The following ALAS1 variants were observed in gnomAD, a reference collection of about 807,000 sequenced individuals.
ALAS1 encodes 5'-aminolevulinate synthase 1, also known as 5-aminolevulinate synthase, non-specific, mitochondrial.
ALAS1 carries 29 observed loss-of-function variants against 59.6 expected under a neutral mutation model. The observed-to-expected ratio is 0.49, with a 90% CI of 0.36 to 0.66. The LOEUF is 0.66. ALAS1 is among the 30% of genes least tolerant of loss of function. ALAS1 has a pLI of 0.00. For synonymous variants in ALAS1, 299 were observed against 296.6 expected, an observed-to-expected ratio of 1.01 and a Z score of -0.08; for missense variants, 690 against 807.5, an observed-to-expected ratio of 0.85 and a Z score of 1.76.
chr3:52,209,092 T>TCA (rs1490143931), intron 9 of ALAS1, among the ~76,000 whole-genome samples: 1 of 152,242 alleles, frequency 6.6e-6, no homozygotes, highest in Non-Finnish European at 1.5e-5. Context: ...CCTTCAGCAC[T>TCA]GTCAAGGGGT....
intron 1 of ALAS1, 74 bp downstream of exon 1, chr3:52,198,329 C>T: frequency 2.5e-6 from 1 of 406,290 alleles, no homozygotes; most frequent in Non-Finnish European, 4.3e-6. Context: ...GGCACCGCTG[C>T]CCCGGGTGCT....
rs1699292668 is a variant in ALAS1 at position 52,206,444 on chromosome 3, G to A, written c.986-128G>A. On this transcript the variant is annotated intron_variant, in intron 7 of 11. Coordinates refer to ENST00000484952, the MANE Select transcript of ALAS1 (RefSeq NM_000688.6). The stretch of plus-strand genomic sequence containing the variant: ...TAGTTATTTTGCCAGGAAGAAACTG[G>A]CACACAGTGTCTTTTTCCTACTAGG... 7.5e-6 allele frequency: 8 copies of A among 1,066,878 alleles called. No homozygotes were observed. The South Asian group carries it at 1.2e-4, about 16-fold the overall frequency. The allele number at this position is 1,066,878 out of a possible 1,614,324, so 66.1% of individuals were successfully genotyped here.
At position 52,208,084 on chromosome 3, in the gene ALAS1, G is replaced by A; in HGVS notation, c.1167G>A (p.Gly389=). ...VAFETVHSMD[G]AVCPLEELCD... ...GAGCAGTCTCTGGTCTTTCCTCAGG[G>A]GCGGTGTGCCCACTGGAAGAGCTGT... The change falls in exon 9 of 12, where the codon GGG becomes GGA. Residue 389 remains glycine, a splice_region_variant and synonymous_variant. Coordinates refer to ENST00000484952, the MANE Select transcript of ALAS1 (RefSeq NM_000688.6). The A allele has an allele frequency of 6.4e-7, 1 of 1,562,066 alleles. No individual in the cohort carries two copies. Among genetic ancestry groups the A allele is most frequent in the Non-Finnish European group, 8.6e-7 (1 of 1,156,830 alleles).
intron 3 of ALAS1, among the ~76,000 whole-genome samples, chr3:52,201,764 A>G (rs2107264344): frequency 6.6e-6 from 1 of 152,270 alleles, no homozygotes; most frequent in East Asian, 1.9e-4. Flanking sequence ...TCAAAAAAAA[A>G]GGAAAGGAAA....
intron 11 of ALAS1, 180 bp downstream of exon 11, chr3:52,212,600 C>G: frequency 1.4e-6 from 1 of 698,848 alleles, no homozygotes; most frequent in South Asian, 1.8e-5. Flanking sequence ...GGCACAATCT[C>G]GGCTCACCGC....
chr3:52,211,613 G>A (rs1011635843), intron 10 of ALAS1, 62 bp downstream of exon 10: 123 of 1,587,120 alleles, frequency 7.7e-5, no homozygotes, highest in Non-Finnish European at 2.8e-5. Flanking sequence ...ATGTACGGAT[G>A]TTCTGCTTCA....
chr3:52,212,126 T>C, intron 10 of ALAS1, 132 bp from the exon 11 acceptor site: 1 of 793,846 alleles, frequency 1.3e-6, no homozygotes, highest in Non-Finnish European at 2.0e-6. Flanking sequence ...GCTTTCCCTC[T>C]GCCCCAAGCT....
At chr3:52,202,452 C>G in intron 3 of ALAS1, 55 bp from the exon 4 acceptor site, 1 of 1,403,426 alleles carries the variant, frequency 7.1e-7, no homozygotes, top group Non-Finnish European at 1.0e-6. Flanking sequence ...AAGTGGTTTT[C>G]TTACATACTG....
At position 52,208,187 on chromosome 3, in the gene ALAS1, G is replaced by T; in HGVS notation, c.1270G>T (p.Gly424Ter). 1.9e-6 allele frequency: 3 copies of T among 1,614,164 alleles called. No homozygotes were observed. The highest frequency in any genetic ancestry group is 2.5e-6 in the Non-Finnish European group (3 of 1,180,006). ...AGTGGGGCTTTATGGGGCTCGAGGC[G>T]GAGGGATTGGGGATCGGGATGGAGT... is the stretch of plus-strand genomic sequence containing the variant. ...HAVGLYGARG[G>*]GIGDRDGVMP... Residue 424 changes from glycine (G) to a stop codon, truncating the protein, a stop_gained, in exon 9 of 12, where the codon GGA becomes TGA. Transcript: ENST00000484952. LOFTEE classifies it high-confidence loss of function.
Position 52,214,094 on chromosome 3 carries a change from A to G in ALAS1, c.1837A>G (p.Arg613Gly). Residue 613 changes from arginine (R) to glycine (G), a missense_variant, in exon 12 of 12, where the codon AGG becomes GGG. By Grantham distance (125) the Arg-to-Gly change is moderately radical. Coordinates refer to ENST00000484952, the MANE Select transcript of ALAS1 (RefSeq NM_000688.6). ...PHSSAECNFCRRPLHFEVMSE... is the reference protein window; with the variant it reads ...PHSSAECNFCGRPLHFEVMSE... Reference sequence around the variant, plus strand: ...TTCCTCAGCTGAGTGCAACTTCTGCAGGAGGCCACTGCATTTTGAAGTGAT... The same window carrying G: ...TTCCTCAGCTGAGTGCAACTTCTGCGGGAGGCCACTGCATTTTGAAGTGAT... The G allele has an allele frequency of 6.2e-7, 1 of 1,614,030 alleles. No homozygotes were observed. The highest frequency in any genetic ancestry group is 8.5e-7 in the Non-Finnish European group (1 of 1,179,874).
intron 9 of ALAS1, among the ~76,000 whole-genome samples, chr3:52,209,234 G>A (rs944173639): frequency 1.3e-5 from 2 of 151,976 alleles, no homozygotes; most frequent in South Asian, 4.1e-4. Flanking sequence ...CCGAGATGGA[G>A]TGTCACTCTG....
intron 11 of ALAS1, among the ~76,000 whole-genome samples, chr3:52,213,096 C>T (rs920673996): frequency 2.6e-5 from 4 of 152,192 alleles, no homozygotes; most frequent in Admixed American, 1.3e-4. Flanking sequence ...TCACCACTGC[C>T]CTCTACTCCA....
chr3:52,198,352 C>T, intron 1 of ALAS1, 97 bp downstream of exon 1: 1 of 409,044 alleles, frequency 2.4e-6, no homozygotes, highest in East Asian at 3.5e-5. Context: ...GACCCCATCC[C>T]CCACTGTCCC....
chr3:52,208,294 A>G (rs767175405), intron 9 of ALAS1, 47 bp downstream of exon 9: 33 of 1,601,424 alleles, frequency 2.1e-5, no homozygotes, highest in Non-Finnish European at 2.8e-5. Flanking sequence ...TTATCCTAAC[A>G]AGGCCAAGGA....
In ALAS1 at chr3:52,214,086, A is replaced by G. The variant is rs1356124945; in HGVS notation, c.1829A>G (p.Asn610Ser). The G allele has an allele frequency of 1.9e-6, 3 of 1,613,858 alleles. No homozygotes were observed. Among genetic ancestry groups the G allele is most frequent in the African/African-American group, 1.3e-5 (1 of 74,936 alleles). ...AAGCCTCATTCCTCAGCTGAGTGCA[A>G]CTTCTGCAGGAGGCCACTGCATTTT... ...ELKPHSSAEC[N>S]FCRRPLHFEV... Residue 610 changes from asparagine to serine, a missense_variant, in exon 12 of 12, where the codon AAC becomes AGC. By Grantham distance (46) the Asn-to-Ser change is conservative. Coordinates refer to ENST00000484952, the MANE Select transcript of ALAS1 (RefSeq NM_000688.6).
intron 3 of ALAS1, among the ~76,000 whole-genome samples, chr3:52,202,132 C>T (rs1244738471): frequency 6.6e-6 from 1 of 152,108 alleles, no homozygotes; most frequent in Non-Finnish European, 1.5e-5. Context: ...GGTGGATAAC[C>T]TGAGGTCAGG....
At position 52,206,590 on chromosome 3, in the gene ALAS1, A is replaced by T. The variant is rs186410635; in HGVS notation, c.1004A>T (p.Asp335Val). Residue 335 changes from aspartate to valine, a missense_variant, in exon 8 of 12, where the codon GAT becomes GTT. Asp to Val is a radical substitution (Grantham distance 152, BLOSUM62 -3). Transcript: ENST00000484952. Reference sequence around the variant, plus strand: ...GTCTTAGGCTGTGAGATTTACTCTGATTCTGGGAACCATGCCTCCATGATC... The same window carrying T: ...GTCTTAGGCTGTGAGATTTACTCTGTTTCTGGGAACCATGCCTCCATGATC... ...KMMPGCEIYS[D>V]SGNHASMIQG... The T allele has an allele frequency of 6.2e-7, 1 of 1,614,176 alleles. No individual in the cohort carries two copies. Among genetic ancestry groups the T allele is most frequent in the African/African-American group, 1.3e-5 (1 of 75,058 alleles).
In ALAS1 at chr3:52,203,982, T is replaced by G. The variant is rs779009528; in HGVS notation, c.547T>G (p.Ser183Ala). ...GCAAAAGCAAAGACCAGAAAGAGTGTCTCATCTTCTTCAAGATAACTTGCC... is the reference window on the plus strand; with the variant it reads ...GCAAAAGCAAAGACCAGAAAGAGTGGCTCATCTTCTTCAAGATAACTTGCC... ...IMQKQRPERV[S>A]HLLQDNLPKS... Residue 183 changes from serine (S) to alanine (A), a missense_variant, in exon 5 of 12, where the codon TCT (serine) becomes GCT (alanine). Transcript: ENST00000484952. The G allele has an allele frequency of 6.2e-7, 1 of 1,610,766 alleles. No homozygotes were observed. The highest frequency in any genetic ancestry group is 1.7e-5 in the Admixed American group (1 of 59,206).
rs774777796 is a variant in ALAS1, at chr3:52,208,114, T to C, written c.1197T>C (p.Asp399=). Residue 399 remains aspartate, a synonymous_variant, in exon 9 of 12, where the codon GAT becomes GAC. Coordinates refer to ENST00000484952, the MANE Select transcript of ALAS1 (RefSeq NM_000688.6). ...GAVCPLEELC[D]VAHEFGAITF... is the part of the protein sequence containing the mutation. ...TGTGCCCACTGGAAGAGCTGTGTGA[T>C]GTGGCCCATGAGTTTGGAGCAATCA... 3.7e-6 allele frequency: 6 copies of C among 1,603,732 alleles called. No individual in the cohort carries two copies. The Admixed American group carries it at 8.5e-5, about 23-fold the overall frequency.
Sources: gnomAD v4.1 joint callset for allele counts (sites outside exome capture counted in the v4.1 genomes callset) on GRCh38, gnomAD v4.1.1 for gene constraint, MANE v1.5 for transcripts, NCBI Gene and HGNC (gene_info 2026-07-23, HGNC 2026-07-21) for gene names.